Variants in NLGN1 observed in about 807,000 individuals in gnomAD.
The protein encoded by NLGN1 is neuroligin-1.
NLGN1 carries 12 observed loss-of-function variants against 65.5 expected under a neutral mutation model. The ratio of observed to expected loss-of-function variants is 0.18; its 90% CI spans 0.12 to 0.30. The LOEUF (loss-of-function observed/expected upper bound fraction) is 0.30, where lower values mean the gene tolerates loss of function less well. NLGN1 is among the 10% of genes least tolerant of loss of function. The pLI is 1.00. For missense variants in NLGN1, 750 were observed against 1,007.1 expected (o/e 0.74, Z 3.46); for synonymous variants, 350 against 359.5 (o/e 0.97, Z 0.30).
chr3:173,714,432 T>C (rs1769507499), intron 3 of NLGN1, among the ~76,000 whole-genome samples: 1 of 152,160 alleles, frequency 6.6e-6, no homozygotes, highest in Admixed American at 6.6e-5. Flanking sequence ...GGATTAATTC[T>C]TAGGCTAGGA....
At chr3:173,617,111 C>T (rs936035383) in intron 3 of NLGN1, among the ~76,000 whole-genome samples, 1 of 152,156 alleles carries the variant, frequency 6.6e-6, no homozygotes, top group Non-Finnish European at 1.5e-5. Context: ...ACCTCTACCT[C>T]TTTTCATGTC....
chr3:174,147,306 A>T (rs1723462989), intron 4 of NLGN1, among the ~76,000 whole-genome samples: 1 of 151,604 alleles, frequency 6.6e-6, no homozygotes, highest in Non-Finnish European at 1.5e-5. Flanking sequence ...CCCCACCTAC[A>T]GGTCTACCGA....
intron 4 of NLGN1, among the ~76,000 whole-genome samples, chr3:173,857,456 A>G (rs940671643): frequency 6.6e-6 from 1 of 151,948 alleles, no homozygotes; most frequent in African/African-American, 2.4e-5. Context: ...TCAAAACCCA[A>G]TACGTTTTCC....
chr3:173,936,177 G>A (rs986497210), intron 4 of NLGN1, among the ~76,000 whole-genome samples: 4 of 151,394 alleles, frequency 2.6e-5, no homozygotes, highest in African/African-American at 9.7e-5. Flanking sequence ...GTTGGTTTCT[G>A]TATTGTGTTT....
chr3:173,888,454 T>G (rs977344609), intron 4 of NLGN1, among the ~76,000 whole-genome samples: 6 of 152,076 alleles, frequency 3.9e-5, no homozygotes, highest in Non-Finnish European at 8.8e-5. Context: ...TTGTTATTTT[T>G]TATTCTTCTT....
chr3:174,148,918 A>G (rs1049938851), intron 4 of NLGN1, among the ~76,000 whole-genome samples: 6 of 152,192 alleles, frequency 3.9e-5, no homozygotes, highest in African/African-American at 1.4e-4. Flanking sequence ...AATGAAGTAC[A>G]AGGTATTGCA....
At chr3:173,507,479 A>G (rs1399256237) in intron 2 of NLGN1, among the ~76,000 whole-genome samples, 1 of 152,162 alleles carries the variant, frequency 6.6e-6, no homozygotes, top group Non-Finnish European at 1.5e-5. Context: ...TTTGAATTCT[A>G]TGATTGCTAT....
At chr3:173,436,662 T>C (rs970853926) in intron 2 of NLGN1, among the ~76,000 whole-genome samples, 6 of 152,242 alleles carry the variant, frequency 3.9e-5, no homozygotes, top group Non-Finnish European at 5.9e-5. Context: ...CCTTGACTTC[T>C]ATAAGTTACA....
At chr3:173,891,070 A>G (rs1735243639) in intron 4 of NLGN1, among the ~76,000 whole-genome samples, 1 of 152,204 alleles carries the variant, frequency 6.6e-6, no homozygotes, top group African/African-American at 2.4e-5. Context: ...CCCTTATTCA[A>G]GCAAGGCACT....
intron 4 of NLGN1, among the ~76,000 whole-genome samples, chr3:174,160,412 C>CT (rs535505534): frequency 6.6e-6 from 1 of 151,466 alleles, no homozygotes; most frequent in Admixed American, 6.6e-5. Flanking sequence ...ATAACTTAAA[C>CT]TTTTTTTTCA....
intron 2 of NLGN1, among the ~76,000 whole-genome samples, chr3:173,545,561 G>C (rs950049213): frequency 1.3e-5 from 2 of 151,952 alleles, no homozygotes; most frequent in African/African-American, 4.8e-5. Context: ...AAAATCTGAG[G>C]GTAATGGCCC....
At chr3:173,610,024 T>C (rs1752042626) in intron 3 of NLGN1, among the ~76,000 whole-genome samples, 1 of 151,844 alleles carries the variant, frequency 6.6e-6, no homozygotes, top group East Asian at 1.9e-4. Context: ...TTTTAAAAAG[T>C]CACTCTGGTG....
At chr3:173,845,903 C>T (rs1325163939) in intron 4 of NLGN1, among the ~76,000 whole-genome samples, 1 of 151,768 alleles carries the variant, frequency 6.6e-6, no homozygotes. Context: ...GTCATATAAC[C>T]ACCTTTGTAC....
intron 4 of NLGN1, among the ~76,000 whole-genome samples, chr3:173,974,125 T>A (rs1716897420): frequency 6.6e-6 from 1 of 151,972 alleles, no homozygotes; most frequent in African/African-American, 2.4e-5. Flanking sequence ...CAAAGAGCAA[T>A]TAAAGTTAAT....
intron 3 of NLGN1, among the ~76,000 whole-genome samples, chr3:173,742,482 A>T (rs1044185343): frequency 5.3e-5 from 8 of 152,106 alleles, no homozygotes; most frequent in Admixed American, 5.2e-4. Context: ...AACCTTTATT[A>T]TGATCTTTTT....
chr3:174,187,661 A>G (rs2152755567), intron 4 of NLGN1, among the ~76,000 whole-genome samples: 1 of 152,186 alleles, frequency 6.6e-6, no homozygotes, highest in East Asian at 1.9e-4. Context: ...ATCGGAAATT[A>G]TTAATTTTCT....
chr3:173,550,377 A>G (rs536923109), intron 2 of NLGN1, among the ~76,000 whole-genome samples: 1 of 152,056 alleles, frequency 6.6e-6, no homozygotes, highest in Non-Finnish European at 1.5e-5. Context: ...TCAAGGAAGG[A>G]TCATCTGCTG....
intron 2 of NLGN1, among the ~76,000 whole-genome samples, chr3:173,531,556 G>A (rs1025841249): frequency 9.1e-5 from 7 of 77,308 alleles, no homozygotes; most frequent in African/African-American, 3.5e-4. Context: ...GTTTTTACCT[G>A]TGTGAAATAC....
At chr3:174,277,370 T>C (rs1750778020) in intron 5 of NLGN1, among the ~76,000 whole-genome samples, 1 of 151,902 alleles carries the variant, frequency 6.6e-6, no homozygotes, top group South Asian at 2.1e-4. Context: ...AACATACATT[T>C]TTCCCATATT....
Sources: allele counts gnomAD v4.1 joint callset (sites outside exome capture counted in the v4.1 genomes callset), GRCh38; gene constraint gnomAD v4.1.1; transcripts MANE v1.5; gene names NCBI Gene and HGNC (gene_info 2026-07-23, HGNC 2026-07-21).